Variants in VWC2L observed in about 807,000 individuals in gnomAD.
VWC2L encodes von Willebrand factor C domain containing 2 like, also known as von Willebrand factor C domain-containing protein 2-like.
A neutral mutation model predicts 21.6 loss-of-function variants in VWC2L; 10 were observed. The ratio of observed to expected loss-of-function variants is 0.46; its 90% CI spans 0.29 to 0.78. VWC2L has a LOEUF of 0.78. Among genes scored for constraint, VWC2L ranks in the 30% least tolerant of loss-of-function variants. VWC2L has a pLI of 0.10. For synonymous variants in VWC2L, 96 were observed against 94.3 expected (o/e 1.02, Z -0.10); for missense variants, 209 against 277.1 (o/e 0.75, Z 1.74).
rs554193773 is a variant in VWC2L at position 214,479,674 on chromosome 2, G to A, written c.520+42916G>A. ...ATAAAAATTAGCTGGGTATGGTGGC[G>A]GGTGCCTGTAATCCCAGCTATTCAG... On this transcript the variant is annotated intron_variant, in intron 3 of 3. Coordinates refer to ENST00000312504, the MANE Select transcript of VWC2L (RefSeq NM_001080500.4). 3.2e-4 allele frequency among the ~76,000 whole-genome samples: 48 copies of A among 152,154 alleles called. No individual in the cohort carries two copies. The Middle Eastern group carries it at 0.01, about 32-fold the overall frequency.
chr2:214,552,530 T>C (rs1689810064), intron 3 of VWC2L, among the ~76,000 whole-genome samples: 1 of 152,210 alleles, frequency 6.6e-6, no homozygotes, highest in South Asian at 2.1e-4. Flanking sequence ...TTCAACATTC[T>C]AGTAGTATTG....
intron 3 of VWC2L, among the ~76,000 whole-genome samples, chr2:214,519,552 A>C (rs11899813): frequency 0.033 from 5,014 of 152,326 alleles, 272 homozygotes; most frequent in African/African-American, 0.11. Flanking sequence ...AGGAATCTGA[A>C]AGAATTTTCA....
intron 3 of VWC2L, among the ~76,000 whole-genome samples, chr2:214,485,202 C>A (rs1441832267): frequency 6.6e-6 from 1 of 152,004 alleles, no homozygotes; most frequent in Non-Finnish European, 1.5e-5. Flanking sequence ...TGCCTGTAGT[C>A]CCACTACTCA....
intron 3 of VWC2L, among the ~76,000 whole-genome samples, chr2:214,538,721 A>AT: frequency 6.6e-6 from 1 of 151,830 alleles, no homozygotes; most frequent in South Asian, 2.1e-4. Flanking sequence ...CTAATGGAAT[A>AT]TTTTTTCTAC....
intron 3 of VWC2L, among the ~76,000 whole-genome samples, chr2:214,561,784 T>TTATATATATATATATATATATATATA (rs67223012): frequency 2.0e-4 from 26 of 128,608 alleles, no homozygotes; most frequent in Non-Finnish European, 3.0e-4. Context: ...TCAAAAAAAA[T>TTATATATATATATATATATATATATA]TATATATATA....
chr2:214,490,395 T>A (rs1003401291), intron 3 of VWC2L, among the ~76,000 whole-genome samples: 2 of 140,814 alleles, frequency 1.4e-5, no homozygotes, highest in African/African-American at 2.6e-5. Flanking sequence ...AGATCATATG[T>A]CTACCCTCAG....
At chr2:214,458,317 T>C (rs887627606) in intron 3 of VWC2L, among the ~76,000 whole-genome samples, 1 of 152,096 alleles carries the variant, frequency 6.6e-6, no homozygotes, top group African/African-American at 2.4e-5. Flanking sequence ...GAGTGTCTTC[T>C]TTTTTTCATG....
At chr2:214,433,629 C>T (rs918014925) in intron 2 of VWC2L, among the ~76,000 whole-genome samples, 4 of 152,182 alleles carry the variant, frequency 2.6e-5, no homozygotes, top group East Asian at 1.9e-4. Context: ...TCCAAAGTAC[C>T]GTGAGTTTTA....
intron 3 of VWC2L, among the ~76,000 whole-genome samples, chr2:214,528,939 T>A (rs921116615): frequency 6.6e-6 from 1 of 152,198 alleles, no homozygotes; most frequent in African/African-American, 2.4e-5. Context: ...TTCCACTATA[T>A]GAAGTTGCCA....
intron 2 of VWC2L, among the ~76,000 whole-genome samples, chr2:214,420,744 C>T (rs1702426233): frequency 6.6e-6 from 1 of 152,098 alleles, no homozygotes; most frequent in Non-Finnish European, 1.5e-5. Context: ...AACTAGAAAG[C>T]ATCATGATTT....
rs144107215 is a variant in VWC2L, at chr2:214,433,933, T to A, written c.391-2696T>A. On this transcript the variant is annotated intron_variant, in intron 2 of 3. Transcript: ENST00000312504. The stretch of plus-strand genomic sequence containing the variant: ...TGGGATCAGAGGGGCACAAGGAGGC[T>A]TGACATGAGAAAAAGTGCACTAAAA... Among the ~76,000 whole-genome samples, 353 of 152,190 alleles carry A rather than the reference T, an allele frequency of 2.3e-3. 1 individual carries two copies. The highest frequency in any genetic ancestry group is 6.7e-3 in the African/African-American group (278 of 41,532).
chr2:214,462,983 A>G (rs1703163686), intron 3 of VWC2L, among the ~76,000 whole-genome samples: 1 of 152,220 alleles, frequency 6.6e-6, no homozygotes, highest in Non-Finnish European at 1.5e-5. Flanking sequence ...AAGACGAAAG[A>G]ACATTTTTTA....
chr2:214,428,076 C>A (rs1702551668), intron 2 of VWC2L, among the ~76,000 whole-genome samples: 2 of 152,046 alleles, frequency 1.3e-5, no homozygotes, highest in Non-Finnish European at 2.9e-5. Flanking sequence ...TAATATGCTC[C>A]CTTGAGGAAT....
chr2:214,568,761 T>C (rs558225832), intron 3 of VWC2L, among the ~76,000 whole-genome samples: 7 of 152,332 alleles, frequency 4.6e-5, no homozygotes, highest in African/African-American at 1.7e-4. Context: ...ATTCTGAATA[T>C]TCTGTGGCTA....
At chr2:214,539,662 G>A (rs1689596204) in intron 3 of VWC2L, among the ~76,000 whole-genome samples, 1 of 152,058 alleles carries the variant, frequency 6.6e-6, no homozygotes, top group African/African-American at 2.4e-5. Flanking sequence ...TTGATGTGCT[G>A]CTTCTTATTG....
At chr2:214,468,177 CG>C (rs1275038223) in intron 3 of VWC2L, among the ~76,000 whole-genome samples, 1 of 152,004 alleles carries the variant, frequency 6.6e-6, no homozygotes, top group Non-Finnish European at 1.5e-5. Context: ...CCACCGCACC[CG>C]GCTAATTTTT....
At chr2:214,495,341 T>A (rs1420909163) in intron 3 of VWC2L, among the ~76,000 whole-genome samples, 3 of 152,198 alleles carry the variant, frequency 2.0e-5, no homozygotes, top group Non-Finnish European at 4.4e-5. Context: ...CAGAGGTTTC[T>A]TAGAGGACTG....
chr2:214,541,639 G>A (rs1318808825), intron 3 of VWC2L, among the ~76,000 whole-genome samples: 5 of 152,106 alleles, frequency 3.3e-5, no homozygotes, highest in South Asian at 2.1e-4. Flanking sequence ...TCTGCCACAC[G>A]TTAGGTAGGA....
At chr2:214,446,887 T>A (rs114620190) in intron 3 of VWC2L, among the ~76,000 whole-genome samples, 1 of 152,180 alleles carries the variant, frequency 6.6e-6, no homozygotes, top group African/African-American at 2.4e-5. Context: ...TCATAAACAT[T>A]CATATAATCT....
Sources: allele counts gnomAD v4.1 joint callset (sites outside exome capture counted in the v4.1 genomes callset), GRCh38; gene constraint gnomAD v4.1.1; transcripts MANE v1.5; gene names NCBI Gene and HGNC (gene_info 2026-07-23, HGNC 2026-07-21).